Variants in IFT122 observed in about 807,000 individuals in gnomAD.
IFT122 encodes intraflagellar transport protein 122 homolog.
In IFT122, 118 loss-of-function variants were observed where a neutral mutation model predicts 161.6. The ratio of observed to expected loss-of-function variants is 0.73; its 90% CI spans 0.63 to 0.85. The LOEUF is 0.85. IFT122 is among the 40% of genes least tolerant of loss of function. The probability of loss-of-function intolerance (pLI) is 0.00; values close to 1 mark genes in which losing one functional copy is unlikely to be tolerated. For missense variants in IFT122, 1,381 were observed against 1,579.6 expected, an observed-to-expected ratio of 0.87 and a Z score of 2.13; for synonymous variants, 550 against 602.4, an observed-to-expected ratio of 0.91 and a Z score of 1.27.
In IFT122 at chr3:129,510,749, C is replaced by T. The variant is rs116477511; in HGVS notation, c.2887-1563C>T. On this transcript the variant is annotated intron_variant, in intron 23 of 29. Coordinates refer to ENST00000348417, the MANE Select transcript of IFT122 (RefSeq NM_052989.3). ...CTAAGGGGCCTCAGACCAGCTGGGG[C>T]CCTGGCTCTTATCCCAGCTGAATCT... Among the ~76,000 whole-genome samples, 989 of 152,346 alleles carry T rather than the reference C, an allele frequency of 6.5e-3. 7 individuals are homozygous for T. Among genetic ancestry groups the T allele is most frequent in the African/African-American group, 0.023 (962 of 41,576 alleles).
intron 3 of IFT122, 86 bp downstream of exon 3, chr3:129,452,084 G>A: frequency 9.8e-7 from 1 of 1,016,872 alleles, no homozygotes; most frequent in Non-Finnish European, 1.5e-6. Flanking sequence ...ATTATTTCTA[G>A]TAAGCTGGAG....
intron 20 of IFT122, among the ~76,000 whole-genome samples, chr3:129,503,091 T>C (rs1034779506): frequency 1.3e-5 from 2 of 152,146 alleles, no homozygotes; most frequent in Non-Finnish European, 2.9e-5. Flanking sequence ...CATTCAGTCA[T>C]TGAGAAAATC....
At chr3:129,455,852 A>G (rs1285201295) in intron 3 of IFT122, among the ~76,000 whole-genome samples, 2 of 152,206 alleles carry the variant, frequency 1.3e-5, no homozygotes, top group Non-Finnish European at 2.9e-5. Flanking sequence ...ATGGAAGTGG[A>G]TCATCATAAA....
At chr3:129,478,633 G>A (rs1296863243) in intron 12 of IFT122, among the ~76,000 whole-genome samples, 2 of 151,970 alleles carry the variant, frequency 1.3e-5, no homozygotes, top group Non-Finnish European at 2.9e-5. Context: ...TAGTAGAGAC[G>A]CGAGGCTGTA....
chr3:129,493,750 G>T (rs1447306002), intron 17 of IFT122, among the ~76,000 whole-genome samples: 1 of 152,182 alleles, frequency 6.6e-6, no homozygotes, highest in Non-Finnish European at 1.5e-5. Flanking sequence ...AAATCCACTG[G>T]CCTGGATCTG....
At chr3:129,491,163 G>T (rs1267500406) in intron 16 of IFT122, among the ~76,000 whole-genome samples, 1 of 152,210 alleles carries the variant, frequency 6.6e-6, no homozygotes, top group African/African-American at 2.4e-5. Flanking sequence ...TTGCATTGTG[G>T]TCACCTGCAA....
chr3:129,477,145 C>A (rs73204213), intron 11 of IFT122, among the ~76,000 whole-genome samples: 11,641 of 152,088 alleles, frequency 0.077, 504 homozygotes, highest in South Asian at 0.1. Context: ...TCTTCGTGGA[C>A]CTTTATCCTT....
intron 26 of IFT122, among the ~76,000 whole-genome samples, chr3:129,516,264 TACAC>T (rs141864185): frequency 2.6e-5 from 2 of 77,470 alleles, no homozygotes; most frequent in Admixed American, 3.3e-4. Context: ...AGACTGCCCC[TACAC>T]ACACACAGAT....
At chr3:129,510,774 T>G (rs2082733452) in intron 23 of IFT122, among the ~76,000 whole-genome samples, 1 of 152,198 alleles carries the variant, frequency 6.6e-6, no homozygotes, top group South Asian at 2.1e-4. Context: ...CAGCTGAATC[T>G]TATTAATTGG....
chr3:129,457,928 C>A, intron 3 of IFT122: 1 of 158,892 alleles, frequency 6.3e-6, no homozygotes, highest in Non-Finnish European at 1.4e-5. Context: ...TTAGTAGAGA[C>A]GGGGTTTCAC....
At chr3:129,475,112 T>C (rs2077760852) in intron 9 of IFT122, among the ~76,000 whole-genome samples, 1 of 152,106 alleles carries the variant, frequency 6.6e-6, no homozygotes, top group South Asian at 2.1e-4. Flanking sequence ...TGAGTTATGA[T>C]CATACGACTG....
chr3:129,454,025 T>A (rs1431741612), intron 3 of IFT122, among the ~76,000 whole-genome samples: 1 of 152,184 alleles, frequency 6.6e-6, no homozygotes, highest in African/African-American at 2.4e-5. Flanking sequence ...TGTAATGTTA[T>A]AATTCTTGAA....
intron 5 of IFT122, chr3:129,463,204 G>T (rs891460384): frequency 7.4e-6 from 2 of 271,662 alleles, no homozygotes; most frequent in Admixed American, 4.9e-5. Context: ...GGCACAAAGT[G>T]TGTATATTAT....
At chr3:129,459,287 T>C in intron 4 of IFT122, 1 of 426,192 alleles carries the variant, frequency 2.3e-6, no homozygotes, top group Non-Finnish European at 4.4e-6. Flanking sequence ...ATCTATTTTT[T>C]GTTTTGTTTT....
rs1005503459 is a variant in IFT122 at position 129,456,972 on chromosome 3, G to A, written c.194-1627G>A. On this transcript the variant is annotated intron_variant, in intron 3 of 29. Transcript: ENST00000348417. Reference sequence around the variant, plus strand: ...GTTGACTCCCATAAAAAGACTCTGAGGAAGATACTGTTCCTCTGTGTTTCA... The same window carrying A: ...GTTGACTCCCATAAAAAGACTCTGAAGAAGATACTGTTCCTCTGTGTTTCA... 3.3e-5 allele frequency among the ~76,000 whole-genome samples: 5 copies of A among 152,318 alleles called. No individual in the cohort carries two copies. In the South Asian group the frequency reaches 1.0e-3, roughly 32 times the overall value.
chr3:129,507,791 G>A, intron 23 of IFT122, 29 bp downstream of exon 23: 1 of 1,544,604 alleles, frequency 6.5e-7, no homozygotes, highest in Non-Finnish European at 9.0e-7. Flanking sequence ...CAGCACCTGA[G>A]GGTACCATCT....
At position 129,476,650 on chromosome 3, in the gene IFT122, T is replaced by C. The variant is rs1336286408; in HGVS notation, c.1009-13T>C. ...CCAGAGAGCTGGGAATTGACAGTTC[T>C]CTCACCCCGCAGGTGGTCGGCTGCC... is the stretch of plus-strand genomic sequence containing the variant. On this transcript the variant is annotated splice_polypyrimidine_tract_variant and intron_variant, in intron 10 of 29. Coordinates refer to ENST00000348417, the MANE Select transcript of IFT122 (RefSeq NM_052989.3). The C allele has an allele frequency of 2.5e-6, 4 of 1,614,104 alleles. No individual in the cohort carries two copies. The African/African-American group carries it at 4.0e-5, about 16-fold the overall frequency.
chr3:129,465,938 G>A (rs1441316433), intron 7 of IFT122, among the ~76,000 whole-genome samples: 2 of 151,398 alleles, frequency 1.3e-5, no homozygotes, highest in Non-Finnish European at 2.9e-5. Context: ...CACCGCGCAC[G>A]CCTGGCTAAT....
rs757840525 is a variant in IFT122 at position 129,517,483 on chromosome 3, G to A, written c.3280G>A (p.Val1094Ile). The A allele has an allele frequency of 1.2e-6, 2 of 1,613,708 alleles. No individual in the cohort carries two copies. Among genetic ancestry groups the A allele is most frequent in the Admixed American group, 1.7e-5 (1 of 59,996 alleles). ...SASSYDVLHL[V>I]EFYLEEGITD... is the part of the protein sequence containing the mutation. ...ATGCCCTCCAGACGTGCTACACCTG[G>A]TTGAGTTCTACCTGGAGGAAGGGAT... Residue 1094 changes from valine to isoleucine, a missense_variant, in exon 27 of 30, where the codon GTT becomes ATT. Around this residue, in one of 7 missense-constraint regions of IFT122, gnomAD observed 177 missense variants for 199.2 expected, o/e 0.89. Coordinates refer to ENST00000348417, the MANE Select transcript of IFT122 (RefSeq NM_052989.3).
Sources: allele counts gnomAD v4.1 joint callset (sites outside exome capture counted in the v4.1 genomes callset), GRCh38; gene constraint gnomAD v4.1.1; regional missense constraint gnomAD v4.1.1; transcripts MANE v1.5; gene names NCBI Gene and HGNC (gene_info 2026-07-23, HGNC 2026-07-21).